The following CGN variants were observed in gnomAD, a reference collection of about 807,000 sequenced individuals.
CGN encodes cingulin.
Under a neutral mutation model 157.1 loss-of-function variants are expected in CGN, and 121 were observed. The observed-to-expected ratio is 0.77, with a 90% CI of 0.66 to 0.90. The LOEUF is 0.90. Ranked by LOEUF, CGN falls within the 40% of genes least tolerant of loss-of-function variation. The pLI, the probability that CGN is intolerant of heterozygous loss-of-function variation, is 0.00. For synonymous variants in CGN, 535 were observed against 607.5 expected (o/e 0.88, Z 1.76); for missense variants, 1,424 against 1,520.9 (o/e 0.94, Z 1.06).
chr1:151,516,594 G>A (rs1664417833), intron 1 of CGN, among the ~76,000 whole-genome samples: 1 of 149,614 alleles, frequency 6.7e-6, no homozygotes, highest in African/African-American at 2.5e-5. Context: ...CCAGGCTGGA[G>A]TGCAATGGCG....
intron 6 of CGN, 130 bp downstream of exon 6, chr1:151,523,691 G>A: frequency 1.1e-6 from 1 of 913,406 alleles, no homozygotes; most frequent in Non-Finnish European, 1.6e-6. Flanking sequence ...GGCAGTGTTG[G>A]TTTAAGGACA....
Position 151,511,577 on chromosome 1 carries a change from TG to T in CGN, c.-15+63del, listed in dbSNP as rs1235963042. On this transcript the variant is annotated intron_variant, in intron 1 of 20. Coordinates refer to ENST00000271636, the MANE Select transcript of CGN (RefSeq NM_020770.3). The surrounding 1 kb of genome is among the most constrained non-coding windows in gnomAD (Gnocchi z 4.8). ...GAAAGCGAGCCTTCAGGGGTACCTT[TG>T]AGGGGCAGGCATCGAGGCGGTGTGA... 1 of 147,802 alleles carries T rather than the reference TG, an allele frequency of 6.8e-6. No individual in the cohort carries two copies. Among genetic ancestry groups the T allele is most frequent in the Non-Finnish European group, 1.5e-5 (1 of 67,616 alleles). The allele number at this position is 147,802 out of a possible 1,614,324, so 9.2% of individuals were successfully genotyped here.
chr1:151,524,503 G>A lies in CGN; in HGVS notation c.1401+145G>A, dbSNP rs947275161. The A allele has an allele frequency of 5.1e-5, 68 of 1,328,664 alleles. 1 individual carries two copies. In the African/African-American group the frequency reaches 9.7e-4, roughly 19 times the overall value. 82.3% of individuals were successfully genotyped at this position (1,328,664 alleles called of 1,614,324 possible). A position where few individuals can be genotyped will look rare whatever the true frequency, so the allele number is the denominator to read the frequency against. On this transcript the variant is annotated intron_variant, in intron 7 of 20. Transcript: ENST00000271636. This position sits in a 1 kb window ranked among gnomAD's most constrained non-coding sequence, Gnocchi z 4.4. ...TGTGCTTTCAGGTAGATTCAATGGT[G>A]TGTTGGGACTAGAGTTAGGATAAAG...
chr1:151,519,531 C>A, intron 2 of CGN, 139 bp downstream of exon 2: 1 of 738,306 alleles, frequency 1.4e-6, no homozygotes, highest in Non-Finnish European at 2.2e-6. Context: ...TCTACTGTAT[C>A]TGTCCACAAA....
At chr1:151,514,925 A>G (rs1664374913) in intron 1 of CGN, among the ~76,000 whole-genome samples, 1 of 152,110 alleles carries the variant, frequency 6.6e-6, no homozygotes, top group Non-Finnish European at 1.5e-5. Flanking sequence ...CAGCTTTGTG[A>G]TAGTCACATG....
Position 151,520,803 on chromosome 1 carries a change from T to C in CGN, c.1140+112T>C. 3 of 848,640 alleles carry C rather than the reference T, an allele frequency of 3.5e-6. No homozygotes were observed. In the Admixed American group the frequency reaches 6.5e-5, roughly 19 times the overall value. 52.6% of individuals were successfully genotyped at this position (848,640 alleles called of 1,614,324 possible). The stretch of plus-strand genomic sequence containing the variant: ...GCAATGGAACAAGCATGTTTGTGTC[T>C]TATGAGACAAGAGACAAGAATGTGT... On this transcript the variant is annotated intron_variant, in intron 5 of 20. Transcript: ENST00000271636.
chr1:151,516,893 C>T (rs1252086992), intron 1 of CGN, among the ~76,000 whole-genome samples: 3 of 151,580 alleles, frequency 2.0e-5, no homozygotes, highest in Admixed American at 6.6e-5. Flanking sequence ...GGGTGCGTGG[C>T]TCATGCCTGT....
chr1:151,536,879 G>A lies in CGN; in HGVS notation c.3456G>A (p.Leu1152=). Residue 1152 remains leucine, a synonymous_variant, in exon 20 of 21, where the codon CTG becomes CTA. Coordinates refer to ENST00000271636, the MANE Select transcript of CGN (RefSeq NM_020770.3). ...AGCTCCAGGCCCGGATCAAGTCTCT[G>A]GAGAAGGACTCCTGGTATGGGCTAC... ...NEQLQARIKS[L]EKDSWRKASR... is the part of the protein sequence containing the mutation. 1.2e-6 allele frequency: 2 copies of A among 1,614,070 alleles called. No individual in the cohort carries two copies. Among genetic ancestry groups the A allele is most frequent in the Non-Finnish European group, 1.7e-6 (2 of 1,180,014 alleles).
At chr1:151,528,644 T>G (rs1275094705) in intron 10 of CGN, among the ~76,000 whole-genome samples, 1 of 152,136 alleles carries the variant, frequency 6.6e-6, no homozygotes, top group Non-Finnish European at 1.5e-5. Flanking sequence ...TTTGAACTCC[T>G]GACCTCAGGT....
rs372439240 is a variant in CGN at position 151,536,266 on chromosome 1, G to A, written c.3227G>A (p.Arg1076Gln). ...REKTVLQSTN[R>Q]KLERKVKELS... is the part of the protein sequence containing the mutation. ...AAGACAGTTCTGCAGTCTACCAATC[G>A]AAAACTGGAGCGGAAAGTTAAAGAA... Residue 1076 changes from arginine (R) to glutamine (Q), a missense_variant, in exon 19 of 21, where the codon CGA becomes CAA. By Grantham distance (43) the Arg-to-Gln change is conservative. Around this residue, in one of 3 missense-constraint regions of CGN, gnomAD observed 199 missense variants for 272.2 expected, o/e 0.73. Coordinates refer to ENST00000271636, the MANE Select transcript of CGN (RefSeq NM_020770.3). 1.2e-5 allele frequency: 20 copies of A among 1,611,418 alleles called. No individual in the cohort carries two copies. In the Middle Eastern group the frequency reaches 1.2e-3, roughly 93 times the overall value.
intron 9 of CGN, 128 bp from the exon 10 acceptor site, chr1:151,526,847 T>C (rs1171386440): frequency 1.0e-6 from 1 of 975,070 alleles, no homozygotes; most frequent in Non-Finnish European, 1.5e-6. Context: ...TCACCTTCCT[T>C]CCTCTTGAGA....
chr1:151,532,920 G>A (rs768710809), intron 14 of CGN, among the ~76,000 whole-genome samples: 7 of 152,014 alleles, frequency 4.6e-5, no homozygotes, highest in African/African-American at 1.4e-4. Flanking sequence ...CGCCCAGCCC[G>A]GTCCTTGCCT....
At chr1:151,518,471 G>T in intron 1 of CGN, 35 bp from the exon 2 acceptor site, 1 of 1,520,460 alleles carries the variant, frequency 6.6e-7, no homozygotes, top group Non-Finnish European at 8.9e-7. Flanking sequence ...TTCTAGTGAA[G>T]TCTCTCAGCC....
In CGN at chr1:151,518,500, T is replaced by G; in HGVS notation, c.-14-6T>G. The G allele has an allele frequency of 6.3e-7, 1 of 1,588,204 alleles. No homozygotes were observed. Among genetic ancestry groups the G allele is most frequent in the Non-Finnish European group, 8.6e-7 (1 of 1,164,062 alleles). On this transcript the variant is annotated splice_polypyrimidine_tract_variant and splice_region_variant and intron_variant, in intron 1 of 20. Transcript: ENST00000271636. The stretch of plus-strand genomic sequence containing the variant: ...CTCAGCCTAAACTCATTTCTTCATC[T>G]TCTAGGACTCCTCCTATTTATGGAG...
chr1:151,535,041 G>A lies in CGN; in HGVS notation c.2905-1G>A. 1 of 1,612,142 alleles carries A rather than the reference G, an allele frequency of 6.2e-7. No homozygotes were observed. The highest frequency in any genetic ancestry group is 8.5e-7 in the Non-Finnish European group (1 of 1,178,306). On this transcript the variant is annotated splice_acceptor_variant, in intron 15 of 20. Coordinates refer to ENST00000271636, the MANE Select transcript of CGN (RefSeq NM_020770.3). LOFTEE classifies it high-confidence loss of function. ...CAGAATTACTTGTTCTTCTGTCCTAGGAAAAAGTCTCACGGCTGGAAACAG... is the reference window on the plus strand; with the variant it reads ...CAGAATTACTTGTTCTTCTGTCCTAAGAAAAAGTCTCACGGCTGGAAACAG...
intron 10 of CGN, 111 bp downstream of exon 10, chr1:151,527,218 AG>A (rs1664703434): frequency 2.5e-6 from 3 of 1,195,070 alleles, no homozygotes; most frequent in Non-Finnish European, 3.7e-6. Context: ...CTTGGTTTCC[AG>A]GCCTCATCCT....
At chr1:151,518,393 CTG>C in intron 1 of CGN, 111 bp from the exon 2 acceptor site, 1 of 891,554 alleles carries the variant, frequency 1.1e-6, no homozygotes, top group Non-Finnish European at 1.7e-6. Flanking sequence ...TTCTGTTAGT[CTG>C]AGAATCAGTG....
chr1:151,529,864 G>C (rs1168140139), intron 11 of CGN, 45 bp from the exon 12 acceptor site: 1 of 1,567,208 alleles, frequency 6.4e-7, no homozygotes, highest in African/African-American at 1.4e-5. Context: ...GGTCTGAGCT[G>C]CCACGCCCTG....
At chr1:151,517,580 G>A (rs1193214742) in intron 1 of CGN, among the ~76,000 whole-genome samples, 6 of 148,718 alleles carry the variant, frequency 4.0e-5, no homozygotes, top group Non-Finnish European at 7.4e-5. Flanking sequence ...GCGCAATCTC[G>A]GCTCACTGCA....
Sources: allele counts gnomAD v4.1 joint callset (sites outside exome capture counted in the v4.1 genomes callset), GRCh38; gene constraint gnomAD v4.1.1; regional missense constraint gnomAD v4.1.1; non-coding constraint Gnocchi (gnomAD v3.1); transcripts MANE v1.5; gene names NCBI Gene and HGNC (gene_info 2026-07-23, HGNC 2026-07-21).